Variants in TBC1D5 observed in about 807,000 individuals in gnomAD.
The protein encoded by TBC1D5 is TBC1 domain family member 5.
In TBC1D5, 75 loss-of-function variants were observed where a neutral mutation model predicts 100.3. That is an observed-to-expected ratio of 0.75 (90% confidence interval 0.62 to 0.91). The LOEUF (loss-of-function observed/expected upper bound fraction) is 0.91, where lower values mean the gene tolerates loss of function less well. TBC1D5 is among the 40% of genes least tolerant of loss of function. The probability of loss-of-function intolerance (pLI) is 0.00; values close to 1 mark genes in which losing one functional copy is unlikely to be tolerated. For missense variants in TBC1D5, 910 were observed against 942.4 expected, an observed-to-expected ratio of 0.97 and a Z score of 0.45; for synonymous variants, 323 against 325.6, an observed-to-expected ratio of 0.99 and a Z score of 0.09.
In TBC1D5 at chr3:17,583,943, A is replaced by G. The variant is rs9682239; in HGVS notation, c.-36+39906T>C. On this transcript the variant is annotated intron_variant, in intron 2 of 21. Coordinates refer to ENST00000253692, the Ensembl canonical transcript of TBC1D5. ...GCACTATTCAGAGTAACCAAAAAGTAGAAGCAAACAAAATGTGTATGAACG... is the reference window on the plus strand; with the variant it reads ...GCACTATTCAGAGTAACCAAAAAGTGGAAGCAAACAAAATGTGTATGAACG... 6.9e-3 allele frequency among the ~76,000 whole-genome samples: 1,054 copies of G among 152,342 alleles called. 12 individuals are homozygous for G. Among genetic ancestry groups the G allele is most frequent in the African/African-American group, 0.023 (969 of 41,568 alleles).
chr3:17,532,848 A>AG (rs1001456385), intron 2 of TBC1D5, among the ~76,000 whole-genome samples: 4 of 106,524 alleles, frequency 3.8e-5, no homozygotes, highest in African/African-American at 1.1e-4. Flanking sequence ...GGGTGGAGGG[A>AG]GGGGGGAGGG....
intron 3 of TBC1D5, among the ~76,000 whole-genome samples, chr3:17,445,557 C>T (rs925857639): frequency 2.6e-5 from 4 of 151,928 alleles, no homozygotes; most frequent in African/African-American, 2.4e-5. Flanking sequence ...TCTTGCTTTC[C>T]GTAGTTTCAG....
chr3:17,166,347 A>C (rs2066592541), intron 21 of TBC1D5, among the ~76,000 whole-genome samples: 1 of 152,220 alleles, frequency 6.6e-6, no homozygotes, highest in Admixed American at 6.5e-5. Context: ...ATTTTGGCAA[A>C]AAAGGTTCTA....
At chr3:17,551,056 GTGTGTGTGTGTA>G (rs985039176) in intron 2 of TBC1D5, among the ~76,000 whole-genome samples, 2 of 152,114 alleles carry the variant, frequency 1.3e-5, no homozygotes, top group African/African-American at 4.8e-5. Flanking sequence ...ATAGCTCTGT[GTGTGTGTGTGTA>G]TGTGTGTGTA....
intron 18 of TBC1D5, among the ~76,000 whole-genome samples, chr3:17,211,585 C>T (rs74692093): frequency 0.039 from 5,953 of 152,260 alleles, 220 homozygotes; most frequent in East Asian, 0.21. Context: ...TCTTCACTTG[C>T]AGCTCCTGAG....
At chr3:17,472,089 C>A (rs964099993) in intron 3 of TBC1D5, among the ~76,000 whole-genome samples, 2 of 151,036 alleles carry the variant, frequency 1.3e-5, no homozygotes, top group African/African-American at 4.9e-5. Context: ...AAATTCAACA[C>A]TAATCTAGTA....
intron 1 of TBC1D5, among the ~76,000 whole-genome samples, chr3:17,733,690 C>T (rs912280745): frequency 3.9e-5 from 6 of 152,022 alleles, no homozygotes; most frequent in African/African-American, 1.4e-4. Flanking sequence ...CATATCAAAA[C>T]ATTGTATTTC....
intron 4 of TBC1D5, among the ~76,000 whole-genome samples, chr3:17,407,982 T>G (rs2093818151): frequency 6.6e-6 from 1 of 152,140 alleles, no homozygotes; most frequent in South Asian, 2.1e-4. Flanking sequence ...ATTTTACTGC[T>G]TCCTTTGTAA....
chr3:17,365,339 C>T (rs1268695300), intron 13 of TBC1D5, among the ~76,000 whole-genome samples: 1 of 152,194 alleles, frequency 6.6e-6, no homozygotes, highest in Non-Finnish European at 1.5e-5. Flanking sequence ...ACTTTTCCTT[C>T]TTGGCCTTTG....
chr3:17,676,404 G>T (rs560958305), intron 1 of TBC1D5, among the ~76,000 whole-genome samples: 5 of 152,160 alleles, frequency 3.3e-5, no homozygotes, highest in African/African-American at 1.2e-4. Flanking sequence ...ATTCACAATT[G>T]CTACCAAGAG....
chr3:17,530,245 A>G (rs1024797164), intron 2 of TBC1D5, among the ~76,000 whole-genome samples: 1 of 145,482 alleles, frequency 6.9e-6, no homozygotes, highest in African/African-American at 2.6e-5. Flanking sequence ...CTTCGTCTCA[A>G]AAAAAAAAAA....
intron 1 of TBC1D5, among the ~76,000 whole-genome samples, chr3:17,626,078 T>C (rs2063031786): frequency 6.6e-6 from 1 of 151,974 alleles, no homozygotes; most frequent in African/African-American, 2.4e-5. Context: ...AAGAATTAAG[T>C]TGGACCATTT....
intron 21 of TBC1D5, among the ~76,000 whole-genome samples, chr3:17,166,413 AG>A (rs2066601121): frequency 6.6e-6 from 1 of 152,204 alleles, no homozygotes; most frequent in Non-Finnish European, 1.5e-5. Context: ...TACTTCCTAA[AG>A]GGGAAAAGAG....
At chr3:17,169,940 A>T (rs922562033) in intron 19 of TBC1D5, among the ~76,000 whole-genome samples, 1 of 152,226 alleles carries the variant, frequency 6.6e-6, no homozygotes, top group Non-Finnish European at 1.5e-5. Flanking sequence ...GATCCCTCGC[A>T]TGCACAGTTC....
intron 3 of TBC1D5, among the ~76,000 whole-genome samples, chr3:17,491,692 G>T (rs913599873): frequency 1.3e-5 from 2 of 151,962 alleles, no homozygotes; most frequent in African/African-American, 4.8e-5. Context: ...TTGAAGTGCC[G>T]GTGGTTTGCC....
intron 2 of TBC1D5, among the ~76,000 whole-genome samples, chr3:17,580,690 C>A (rs1314356850): frequency 6.6e-6 from 1 of 152,142 alleles, no homozygotes; most frequent in African/African-American, 2.4e-5. Flanking sequence ...CCCCCTTAAG[C>A]TGCCACCTGT....
At chr3:17,468,903 C>G (rs1196653226) in intron 3 of TBC1D5, among the ~76,000 whole-genome samples, 1 of 152,122 alleles carries the variant, frequency 6.6e-6, no homozygotes, top group African/African-American at 2.4e-5. Flanking sequence ...TCTCTAGACC[C>G]TCCACAGAAA....
At chr3:17,570,480 C>G (rs971702315) in intron 2 of TBC1D5, among the ~76,000 whole-genome samples, 1 of 151,910 alleles carries the variant, frequency 6.6e-6, no homozygotes, top group Non-Finnish European at 1.5e-5. Flanking sequence ...ACATTTTATT[C>G]TGAAATTTTT....
intron 13 of TBC1D5, among the ~76,000 whole-genome samples, chr3:17,321,459 A>G (rs2150941544): frequency 1.3e-5 from 2 of 152,374 alleles, no homozygotes; most frequent in Admixed American, 1.3e-4. Context: ...TTTTGCTATT[A>G]AAGCACAACT....
Sources: gnomAD v4.1 joint callset for allele counts (sites outside exome capture counted in the v4.1 genomes callset) on GRCh38, gnomAD v4.1.1 for gene constraint, MANE v1.5 for transcripts, NCBI Gene and HGNC (gene_info 2026-07-23, HGNC 2026-07-21) for gene names.